BCR: variants seen among roughly 807,000 people sequenced by gnomAD.
BCR encodes BCR activator of RhoGEF and GTPase.
A neutral mutation model predicts 138.6 loss-of-function variants in BCR; 58 were observed. That is an observed-to-expected ratio of 0.42 (90% CI 0.34 to 0.52). The LOEUF is 0.52. Ranked by LOEUF, BCR falls within the 20% of genes least tolerant of loss-of-function variation. BCR has a pLI of 0.06. For synonymous variants in BCR, 786 were observed against 730.1 expected (o/e 1.08, Z -1.23); for missense variants, 1,599 against 1,727.2 (o/e 0.93, Z 1.32).
intron 16 of BCR, chr22:23,306,079 C>G (rs997572062): frequency 6.6e-6 from 1 of 152,270 alleles, no homozygotes; most frequent in Non-Finnish European, 1.5e-5. Context: ...CTCTGCGGCG[C>G]ACACTCTGTT....
At chr22:23,308,035 G>T (rs1360155217) in intron 16 of BCR, among the ~76,000 whole-genome samples, 1 of 144,644 alleles carries the variant, frequency 6.9e-6, no homozygotes, top group Non-Finnish European at 1.5e-5. Context: ...GTGTGTGTAT[G>T]TATATGTGCA....
At chr22:23,271,377 G>C (rs2073507534) in intron 5 of BCR, among the ~76,000 whole-genome samples, 155 bp from the exon 6 acceptor site, 1 of 152,202 alleles carries the variant, frequency 6.6e-6, no homozygotes, top group Non-Finnish European at 1.5e-5. Context: ...CTTGCTCGTG[G>C]GTCCCTGCAC....
intron 8 of BCR, among the ~76,000 whole-genome samples, chr22:23,274,977 C>T (rs549996509): frequency 3.3e-5 from 5 of 151,130 alleles, no homozygotes; most frequent in Non-Finnish European, 7.4e-5. Context: ...GCCAGGTGGT[C>T]GGCACTGTAC....
chr22:23,185,972 G>A (rs1444769680), intron 1 of BCR, among the ~76,000 whole-genome samples: 1 of 150,660 alleles, frequency 6.6e-6, no homozygotes. Context: ...CTCGGGTTCC[G>A]CCCGCCTCAG....
Position 23,264,494 on chromosome 22 carries a change from C to G in BCR, c.1752+2954C>G, listed in dbSNP as rs971482560. On this transcript the variant is annotated intron_variant, in intron 4 of 22. Transcript: ENST00000305877. ...GCCTGTGACCCCAGTGCTCAGGCACCTTGCAGTAGAGGCTTCTGACTCCTG... is the reference window on the plus strand; with the variant it reads ...GCCTGTGACCCCAGTGCTCAGGCACGTTGCAGTAGAGGCTTCTGACTCCTG... 30 of 571,804 alleles carry G rather than the reference C, an allele frequency of 5.2e-5. No individual in the cohort carries two copies. The Admixed American group carries it at 9.4e-4, about 18-fold the overall frequency. The allele number at this position is 571,804 out of a possible 1,614,324, so 35.4% of individuals were successfully genotyped here.
chr22:23,273,841 G>T, intron 8 of BCR, 67 bp downstream of exon 8: 1 of 1,596,192 alleles, frequency 6.3e-7, no homozygotes, highest in South Asian at 1.1e-5. Context: ...AGGGCCCCTC[G>T]ATCTGAGGTC....
intron 4 of BCR, chr22:23,263,967 A>G (rs750537716): frequency 1.1e-6 from 1 of 890,744 alleles, no homozygotes; most frequent in Non-Finnish European, 1.9e-6. Flanking sequence ...TGGGCAGCTG[A>G]TGACACACTT....
chr22:23,296,745 C>G (rs2073849610), intron 16 of BCR, among the ~76,000 whole-genome samples: 1 of 152,214 alleles, frequency 6.6e-6, no homozygotes, highest in Non-Finnish European at 1.5e-5. Flanking sequence ...TATTCAAGAC[C>G]AGCCTGGGCA....
Position 23,315,692 on chromosome 22 carries a change from T to A in BCR, c.*170T>A, listed in dbSNP as rs1253229427. 7 of 727,912 alleles carry A rather than the reference T, an allele frequency of 9.6e-6. No individual in the cohort carries two copies. The Admixed American group carries it at 1.0e-4, about 11-fold the overall frequency. 45.1% of individuals were successfully genotyped at this position (727,912 alleles called of 1,614,324 possible). A position where few individuals can be genotyped will look rare whatever the true frequency, so the allele number is the denominator to read the frequency against. On this transcript the variant is annotated 3_prime_UTR_variant, in exon 23 of 23. Coordinates refer to ENST00000305877, the MANE Select transcript of BCR (RefSeq NM_004327.4). ...CCGAAGGACAGGTGGCCTGGAAAGA[T>A]CCCGCCCAGGTCTGGGAGCCCCAGG...
chr22:23,209,286 A>G (rs1028677400), intron 1 of BCR, among the ~76,000 whole-genome samples: 1 of 151,614 alleles, frequency 6.6e-6, no homozygotes, highest in Non-Finnish European at 1.5e-5. Context: ...CTTGAGCCCC[A>G]GAGGTGAAGG....
At chr22:23,286,862 A>G (rs2073719816) in intron 10 of BCR, among the ~76,000 whole-genome samples, 1 of 152,178 alleles carries the variant, frequency 6.6e-6, no homozygotes, top group African/African-American at 2.4e-5. Flanking sequence ...AAAGGCAGGG[A>G]TGTTGGTAAA....
intron 1 of BCR, among the ~76,000 whole-genome samples, chr22:23,193,582 T>G (rs970849241): frequency 1.3e-5 from 2 of 152,238 alleles, no homozygotes; most frequent in Non-Finnish European, 2.9e-5. Flanking sequence ...CTGGGGTGTG[T>G]CAGGGCCCTC....
At chr22:23,263,789 G>A (rs1737061345) in intron 4 of BCR, 6 of 1,404,460 alleles carry the variant, frequency 4.3e-6, no homozygotes, top group Non-Finnish European at 6.1e-6. Context: ...GGGACAGGAC[G>A]GCCAAGGTGT....
At chr22:23,187,864 C>T (rs759153938) in intron 1 of BCR, among the ~76,000 whole-genome samples, 1 of 152,194 alleles carries the variant, frequency 6.6e-6, no homozygotes, top group Non-Finnish European at 1.5e-5. Context: ...AGTTGTGAGA[C>T]GGGACAGATC....
At chr22:23,205,115 G>A (rs1300684014) in intron 1 of BCR, among the ~76,000 whole-genome samples, 3 of 152,202 alleles carry the variant, frequency 2.0e-5, no homozygotes, top group African/African-American at 7.2e-5. Flanking sequence ...GGATCAGAAG[G>A]CAAGGTATCC....
chr22:23,232,040 C>T (rs2072965148), intron 1 of BCR, among the ~76,000 whole-genome samples: 1 of 152,246 alleles, frequency 6.6e-6, no homozygotes, highest in Non-Finnish European at 1.5e-5. Flanking sequence ...GGGGCTTGCT[C>T]TCCATGTAGT....
intron 9 of BCR, among the ~76,000 whole-genome samples, chr22:23,284,722 C>T (rs1235757518): frequency 6.6e-6 from 1 of 152,202 alleles, no homozygotes; most frequent in Non-Finnish European, 1.5e-5. Flanking sequence ...GATTTCAGTC[C>T]TGTCCTGTCA....
At chr22:23,314,262 C>A (rs2074041889) in intron 21 of BCR, among the ~76,000 whole-genome samples, 189 bp downstream of exon 21, 2 of 152,192 alleles carry the variant, frequency 1.3e-5, no homozygotes, top group Non-Finnish European at 2.9e-5. Context: ...ACCCTCCTCT[C>A]TCTGCACTGT....
At chr22:23,233,189 G>T (rs904442383) in intron 1 of BCR, among the ~76,000 whole-genome samples, 1 of 152,190 alleles carries the variant, frequency 6.6e-6, no homozygotes. Flanking sequence ...GTGGGCCCCA[G>T]TGCCTGTAGT....
Sources: gnomAD v4.1 joint callset for allele counts (sites outside exome capture counted in the v4.1 genomes callset) on GRCh38, gnomAD v4.1.1 for gene constraint, MANE v1.5 for transcripts, NCBI Gene and HGNC (gene_info 2026-07-23, HGNC 2026-07-21) for gene names.